Variants in LRRN1 observed in about 807,000 individuals in gnomAD.
LRRN1 encodes the protein leucine rich repeat neuronal 1, also known as leucine-rich repeat neuronal protein 1.
In LRRN1, 14 loss-of-function variants were observed where a neutral mutation model predicts 45.8. That is an observed-to-expected ratio of 0.31 (90% CI 0.20 to 0.48). The LOEUF is 0.48. Among genes scored for constraint, LRRN1 ranks in the 20% least tolerant of loss-of-function variants. The pLI is 0.99. For missense variants in LRRN1, 789 were observed against 874.2 expected (o/e 0.90, Z 1.23); for synonymous variants, 359 against 330.1 (o/e 1.09, Z -0.95).
chr3:3,827,377 A>G (rs765727941), intron 1 of LRRN1: 133 of 454,048 alleles, frequency 2.9e-4, no homozygotes, highest in Non-Finnish European at 5.0e-4. Flanking sequence ...CCTGTAGCTG[A>G]AGGCAGAGTG....
At chr3:3,843,579 A>AT (rs1693692147) in intron 1 of LRRN1, among the ~76,000 whole-genome samples, 1 of 129,846 alleles carries the variant, frequency 7.7e-6, no homozygotes, top group Admixed American at 7.6e-5. Context: ...ACCCCCCCCC[A>AT]TACCCCTGGC....
rs147859316 is a variant in LRRN1, at chr3:3,828,420, C to G, written c.-278-15944C>G. The stretch of plus-strand genomic sequence containing the variant: ...TTTTTTTGCTGGAAGGTGATTAGAT[C>G]GTGCCCACCAGATTAAGGGTGGGTC... On this transcript the variant is annotated intron_variant, in intron 1 of 1. Transcript: ENST00000319331. 1.9e-3 allele frequency among the ~76,000 whole-genome samples: 294 copies of G among 151,806 alleles called. 2 individuals are homozygous for G. Among genetic ancestry groups the G allele is most frequent in the Admixed American group, 3.9e-3 (59 of 15,210 alleles).
At chr3:3,815,455 G>A (rs1692967977) in intron 1 of LRRN1, among the ~76,000 whole-genome samples, 1 of 152,068 alleles carries the variant, frequency 6.6e-6, no homozygotes, top group Admixed American at 6.5e-5. Context: ...ATTTGGAATG[G>A]TACAGAAACC....
chr3:3,842,970 A>G (rs1693679316), intron 1 of LRRN1, among the ~76,000 whole-genome samples: 1 of 152,256 alleles, frequency 6.6e-6, no homozygotes, highest in Non-Finnish European at 1.5e-5. Context: ...GTTAATAAAA[A>G]CAAATATCCT....
intron 1 of LRRN1, among the ~76,000 whole-genome samples, chr3:3,843,642 T>C (rs1559310746): frequency 6.6e-6 from 1 of 151,986 alleles, no homozygotes; most frequent in Non-Finnish European, 1.5e-5. Context: ...CTATTCTGGA[T>C]ACTTTGTATA....
At position 3,845,877 on chromosome 3, in the gene LRRN1, A is replaced by C. The variant is rs1349088970; in HGVS notation, c.1236A>C (p.Glu412Asp). ...AATATAAAGGGCACCAGGTGAAGGAAGTTTTAATCCAGGATTCGAGTGAAC... is the reference window on the plus strand; with the variant it reads ...AATATAAAGGGCACCAGGTGAAGGACGTTTTAATCCAGGATTCGAGTGAAC... ...PPEYKGHQVK[E>D]VLIQDSSEQC... Residue 412 changes from glutamate (E) to aspartate (D), a missense_variant, in exon 2 of 2, where the codon GAA becomes GAC. By Grantham distance (45) the Glu-to-Asp change is conservative (BLOSUM62 2). Transcript: ENST00000319331. This position sits in a 1 kb window ranked among gnomAD's most constrained non-coding sequence, Gnocchi z 6.5. The C allele has an allele frequency of 6.2e-7, 1 of 1,613,980 alleles. No individual in the cohort carries two copies. Among genetic ancestry groups the C allele is most frequent in the East Asian group, 2.2e-5 (1 of 44,876 alleles).
chr3:3,820,217 G>T (rs985498824), intron 1 of LRRN1, among the ~76,000 whole-genome samples: 2 of 152,144 alleles, frequency 1.3e-5, no homozygotes, highest in Admixed American at 6.5e-5. Context: ...ATCTAGAAAT[G>T]ACATATATTT....
intron 1 of LRRN1, among the ~76,000 whole-genome samples, chr3:3,809,681 C>G (rs1256450826): frequency 6.6e-6 from 1 of 152,190 alleles, no homozygotes; most frequent in Non-Finnish European, 1.5e-5. Flanking sequence ...TTCAGAACTG[C>G]TTCTCAGCTC....
chr3:3,812,110 A>G (rs181707079), intron 1 of LRRN1, among the ~76,000 whole-genome samples: 121 of 152,374 alleles, frequency 7.9e-4, no homozygotes, highest in African/African-American at 2.8e-3. Context: ...GCAGATATCT[A>G]CAGCCCCACT....
intron 1 of LRRN1, among the ~76,000 whole-genome samples, chr3:3,805,596 C>A (rs1018207815): frequency 6.6e-6 from 1 of 152,178 alleles, no homozygotes; most frequent in African/African-American, 2.4e-5. Flanking sequence ...TTGATTTCTG[C>A]CCCAAGAGCT....
intron 1 of LRRN1, among the ~76,000 whole-genome samples, chr3:3,843,042 A>G (rs371462877): frequency 6.6e-4 from 100 of 152,388 alleles, no homozygotes; most frequent in African/African-American, 2.2e-3. Context: ...AAAATGGATT[A>G]GAGATACAAG....
At chr3:3,817,696 T>G (rs9811207) in intron 1 of LRRN1, among the ~76,000 whole-genome samples, 6,600 of 117,340 alleles carry the variant, frequency 0.056, 342 homozygotes, top group East Asian at 0.2. Context: ...ATGTTAGTTT[T>G]TTTTTTTTTT....
chr3:3,849,713 A>G lies in LRRN1; in HGVS notation c.*2921A>G, dbSNP rs946709212. On this transcript the variant is annotated 3_prime_UTR_variant, in exon 2 of 2. Transcript: ENST00000319331. Reference sequence around the variant, plus strand: ...AACTTGCTCATTTAATTAATGAAAAATTGAACTGATGCCATGGATATAAAA... The same window carrying G: ...AACTTGCTCATTTAATTAATGAAAAGTTGAACTGATGCCATGGATATAAAA... Among the ~76,000 whole-genome samples the G allele has an allele frequency of 5.9e-5, 9 of 152,218 alleles. No individual in the cohort carries two copies. The highest frequency in any genetic ancestry group is 1.4e-4 in the African/African-American group (6 of 41,452).
chr3:3,828,487 C>A (rs1693280434), intron 1 of LRRN1, among the ~76,000 whole-genome samples: 1 of 151,952 alleles, frequency 6.6e-6, no homozygotes, highest in South Asian at 2.1e-4. Context: ...TTTGGCAACA[C>A]CCACACACAC....
rs188878073 is a variant in LRRN1, at chr3:3,816,609, A to G, written c.-279+16690A>G. The stretch of plus-strand genomic sequence containing the variant: ...AACTATGTCTTAGTAAAAAATATAT[A>G]ACCACCCTTATTAAAGGCAAAAATA... On this transcript the variant is annotated intron_variant, in intron 1 of 1. Coordinates refer to ENST00000319331, the MANE Select transcript of LRRN1 (RefSeq NM_020873.7). This position sits in a 1 kb window ranked among gnomAD's most constrained non-coding sequence, Gnocchi z 4.0. Among the ~76,000 whole-genome samples, 1 of 152,308 alleles carries G rather than the reference A, an allele frequency of 6.6e-6. No homozygotes were observed. The highest frequency in any genetic ancestry group is 1.9e-4 in the East Asian group (1 of 5,184).
intron 1 of LRRN1, among the ~76,000 whole-genome samples, chr3:3,841,363 A>G (rs1266094934): frequency 4.1e-5 from 6 of 145,010 alleles, no homozygotes; most frequent in African/African-American, 1.5e-4. Flanking sequence ...TTGGTTTTCT[A>G]TTTTGAGTTA....
intron 1 of LRRN1, among the ~76,000 whole-genome samples, chr3:3,821,919 G>C (rs1407679525): frequency 1.3e-5 from 2 of 152,258 alleles, no homozygotes; most frequent in South Asian, 2.1e-4. Context: ...GAATGACTCA[G>C]AGTGAACAAG....
At chr3:3,843,125 G>A (rs1693682442) in intron 1 of LRRN1, among the ~76,000 whole-genome samples, 1 of 152,184 alleles carries the variant, frequency 6.6e-6, no homozygotes, top group South Asian at 2.1e-4. Flanking sequence ...ACTTTACATA[G>A]ATTCCCTTAA....
At chr3:3,812,805 T>C (rs9859990) in intron 1 of LRRN1, among the ~76,000 whole-genome samples, 7,349 of 137,424 alleles carry the variant, frequency 0.053, 641 homozygotes, top group African/African-American at 0.2. Context: ...TCTCTGAATC[T>C]TGGTTGTAAA....
Sources: allele counts gnomAD v4.1 joint callset (sites outside exome capture counted in the v4.1 genomes callset), GRCh38; gene constraint gnomAD v4.1.1; non-coding constraint Gnocchi (gnomAD v3.1); transcripts MANE v1.5; gene names NCBI Gene and HGNC (gene_info 2026-07-23, HGNC 2026-07-21).